The following BORCS5 variants were observed in gnomAD, a reference collection of about 807,000 sequenced individuals.
BORCS5 encodes BLOC-1 related complex subunit 5, also known as BLOC-1-related complex subunit 5.
In BORCS5, 17 loss-of-function variants were observed where a neutral mutation model predicts 22.1. The observed-to-expected ratio is 0.77, with a 90% CI of 0.53 to 1.15. The LOEUF is 1.15. Ranked by LOEUF, BORCS5 falls within the 50% of genes most tolerant of loss-of-function variation. BORCS5 has a pLI of 0.00. For synonymous variants in BORCS5, 117 were observed against 99.8 expected, an observed-to-expected ratio of 1.17 and a Z score of -1.03; for missense variants, 247 against 253.2, an observed-to-expected ratio of 0.98 and a Z score of 0.17.
At chr12:12,392,596 C>T (rs1182637442) in intron 2 of BORCS5, among the ~76,000 whole-genome samples, 1 of 152,058 alleles carries the variant, frequency 6.6e-6, no homozygotes, top group Non-Finnish European at 1.5e-5. Context: ...ACAACAGTAT[C>T]CTTATCTATA....
chr12:12,454,994 G>A lies in BORCS5; in HGVS notation c.361-10552G>A, dbSNP rs529893126. Among the ~76,000 whole-genome samples, 8 of 152,312 alleles carry A rather than the reference G, an allele frequency of 5.3e-5. No individual in the cohort carries two copies. In the South Asian group the frequency reaches 1.4e-3, roughly 28 times the overall value. ...ATTAGTGATGTCAGGGATTTGAAGG[G>A]TGAGCTTACATTGCTAAAAATCAGC... is the stretch of plus-strand genomic sequence containing the variant. On this transcript the variant is annotated intron_variant, in intron 3 of 3. Transcript: ENST00000314565.
intron 2 of BORCS5, among the ~76,000 whole-genome samples, chr12:12,427,881 A>G (rs1942328860): frequency 1.3e-5 from 2 of 152,158 alleles, no homozygotes; most frequent in South Asian, 4.1e-4. Context: ...TGAAGCCTCT[A>G]TACTCATGAT....
At chr12:12,387,764 A>G (rs1863914303) in intron 2 of BORCS5, among the ~76,000 whole-genome samples, 1 of 151,382 alleles carries the variant, frequency 6.6e-6, no homozygotes, top group South Asian at 2.1e-4. Flanking sequence ...CACCTCCCCC[A>G]TCCTGTATTT....
intron 3 of BORCS5, chr12:12,452,399 A>C (rs1185270085): frequency 5.2e-6 from 3 of 578,034 alleles, no homozygotes; most frequent in Non-Finnish European, 6.8e-6. Context: ...ACATTTGTCT[A>C]ATGTTTCCAC....
chr12:12,415,975 A>AT (rs375735586), intron 2 of BORCS5, among the ~76,000 whole-genome samples: 85 of 152,108 alleles, frequency 5.6e-4, no homozygotes, highest in African/African-American at 1.9e-3. Context: ...TTATCAGGAG[A>AT]TTTTTTTATT....
intron 2 of BORCS5, among the ~76,000 whole-genome samples, chr12:12,361,900 A>C (rs1863294333): frequency 6.6e-6 from 1 of 152,214 alleles, no homozygotes; most frequent in African/African-American, 2.4e-5. Context: ...CCACCCAATT[A>C]GCATATACTG....
intron 2 of BORCS5, among the ~76,000 whole-genome samples, chr12:12,391,653 G>A (rs570723389): frequency 5.3e-5 from 8 of 151,442 alleles, no homozygotes; most frequent in Admixed American, 2.6e-4. Context: ...CTCCGAAAGT[G>A]CTGGGATTGC....
At chr12:12,392,181 C>A (rs1340391423) in intron 2 of BORCS5, among the ~76,000 whole-genome samples, 1 of 151,656 alleles carries the variant, frequency 6.6e-6, no homozygotes, top group Non-Finnish European at 1.5e-5. Context: ...AACAAATACA[C>A]ACTACTCAAA....
intron 2 of BORCS5, among the ~76,000 whole-genome samples, chr12:12,367,744 C>T (rs1245853130): frequency 2.0e-5 from 3 of 152,182 alleles, no homozygotes; most frequent in Admixed American, 2.0e-4. Context: ...GTGCCTGCAT[C>T]CATTCTTGTT....
chr12:12,424,589 T>G (rs1942230721), intron 2 of BORCS5, among the ~76,000 whole-genome samples: 1 of 150,558 alleles, frequency 6.6e-6, no homozygotes, highest in African/African-American at 2.4e-5. Context: ...CTTTTCTGTT[T>G]CTTTGTATGA....
At position 12,391,467 on chromosome 12, in the gene BORCS5, C is replaced by T. The variant is rs567764158; in HGVS notation, c.202+30118C>T. Among the ~76,000 whole-genome samples, 27 of 151,652 alleles carry T rather than the reference C, an allele frequency of 1.8e-4. No homozygotes were observed. The South Asian group carries it at 5.4e-3, about 30-fold the overall frequency. On this transcript the variant is annotated intron_variant, in intron 2 of 3. Transcript: ENST00000314565. ...GTGGCATGATCTCGGCTCACTTCAA[C>T]CTCCACCACCTGAGTTCAAACCATT...
At position 12,402,065 on chromosome 12, in the gene BORCS5, C is replaced by CAAAAAA. The variant is rs550592058; in HGVS notation, c.203-33549_203-33544dup. Among the ~76,000 whole-genome samples the CAAAAAA allele has an allele frequency of 4.4e-3, 412 of 94,326 alleles. 2 individuals are homozygous for CAAAAAA. The highest frequency in any genetic ancestry group is 0.013 in the African/African-American group (389 of 29,472). 61.9% of individuals were successfully genotyped at this position (94,326 alleles called of 152,430 possible). A position where few individuals can be genotyped will look rare whatever the true frequency, so the allele number is the denominator to read the frequency against. ...TGGGCTACAGAGCGAGACTCCGTCT[C>CAAAAAA]AAAAAAAAAAAAAAAAAAAGTGTAA... On this transcript the variant is annotated intron_variant, in intron 2 of 3. Transcript: ENST00000314565.
intron 2 of BORCS5, among the ~76,000 whole-genome samples, chr12:12,391,310 G>A (rs1332097609): frequency 1.3e-5 from 2 of 152,018 alleles, no homozygotes; most frequent in Non-Finnish European, 2.9e-5. Context: ...AAGAGGTAGA[G>A]GCATATCAAT....
intron 2 of BORCS5, among the ~76,000 whole-genome samples, chr12:12,408,823 C>T (rs901369973): frequency 5.8e-4 from 88 of 152,206 alleles, no homozygotes; most frequent in African/African-American, 2.0e-3. Context: ...CCTCATTTTG[C>T]TTATCCATTC....
chr12:12,453,547 TG>T (rs1942950332), intron 3 of BORCS5, among the ~76,000 whole-genome samples: 2 of 152,226 alleles, frequency 1.3e-5, no homozygotes, highest in South Asian at 4.1e-4. Flanking sequence ...AGTGGCCATC[TG>T]GGGTTCAGTG....
intron 2 of BORCS5, among the ~76,000 whole-genome samples, chr12:12,380,069 G>C (rs148440844): frequency 6.6e-6 from 1 of 151,376 alleles, no homozygotes; most frequent in Non-Finnish European, 1.5e-5. Flanking sequence ...TGATTGGTCC[G>C]TGAAGCAGTC....
intron 2 of BORCS5, among the ~76,000 whole-genome samples, chr12:12,369,034 GGT>G (rs1321338933): frequency 2.0e-5 from 3 of 152,126 alleles, no homozygotes; most frequent in African/African-American, 7.2e-5. Context: ...ATGAAAGAGA[GGT>G]ATTCAAATAT....
At chr12:12,455,853 A>C (rs1158956676) in intron 3 of BORCS5, among the ~76,000 whole-genome samples, 1 of 151,810 alleles carries the variant, frequency 6.6e-6, no homozygotes, top group East Asian at 1.9e-4. Flanking sequence ...TTTTAAACTT[A>C]AGTATTTTGG....
intron 1 of BORCS5, among the ~76,000 whole-genome samples, chr12:12,360,678 G>C (rs1323054766): frequency 1.4e-5 from 2 of 147,702 alleles, no homozygotes; most frequent in Non-Finnish European, 3.0e-5. Flanking sequence ...TCAAAGTGCT[G>C]AGATTACAGG....
Sources: allele counts gnomAD v4.1 joint callset (sites outside exome capture counted in the v4.1 genomes callset), GRCh38; gene constraint gnomAD v4.1.1; transcripts MANE v1.5; gene names NCBI Gene and HGNC (gene_info 2026-07-23, HGNC 2026-07-21).